The following LTBP1 variants were observed in gnomAD, a reference collection of about 807,000 sequenced individuals.
LTBP1 encodes latent transforming growth factor beta binding protein 1, also known as latent-transforming growth factor beta-binding protein 1.
LTBP1 carries 129 observed loss-of-function variants against 207.6 expected under a neutral mutation model. The observed-to-expected ratio is 0.62, with a 90% CI of 0.54 to 0.72. The LOEUF (loss-of-function observed/expected upper bound fraction) is 0.72. Ranked by LOEUF, LTBP1 falls within the 30% of genes least tolerant of loss-of-function variation. The pLI is 0.00. For synonymous variants in LTBP1, 963 were observed against 833.7 expected (o/e 1.16, Z -2.67); for missense variants, 2,281 against 2,217.2 (o/e 1.03, Z -0.58).
intron 4 of LTBP1, among the ~76,000 whole-genome samples, chr2:33,114,202 C>T (rs2080593980): frequency 6.6e-6 from 1 of 152,122 alleles, no homozygotes; most frequent in Non-Finnish European, 1.5e-5. Flanking sequence ...ATTTGTTGGC[C>T]TTAAAAGAAT....
At chr2:32,994,940 A>G (rs1330584405) in intron 2 of LTBP1, among the ~76,000 whole-genome samples, 5 of 152,282 alleles carry the variant, frequency 3.3e-5, no homozygotes, top group Admixed American at 2.0e-4. Flanking sequence ...CTATAACCCC[A>G]ATAACTCAGG....
rs1189765281 is a variant in LTBP1, at chr2:33,076,162, GA to G, written c.864-34415del. 7.2e-5 allele frequency among the ~76,000 whole-genome samples: 11 copies of G among 152,282 alleles called. No homozygotes were observed. In the Middle Eastern group the frequency reaches 0.01, roughly 141 times the overall value. On this transcript the variant is annotated intron_variant, in intron 3 of 33. Coordinates refer to ENST00000404816, the MANE Select transcript of LTBP1 (RefSeq NM_206943.4). ...TGAGCAGGATCGGGAGCTCACCAGG[GA>G]AAAATGTGACTTACGGAAGAATCTG...
chr2:33,307,010 C>T (rs2094107888), intron 22 of LTBP1, among the ~76,000 whole-genome samples: 1 of 152,168 alleles, frequency 6.6e-6, no homozygotes, highest in South Asian at 2.1e-4. Flanking sequence ...ATTGCTTGAA[C>T]CCGGGAGGCG....
chr2:33,017,466 A>G (rs1201598696), intron 2 of LTBP1, among the ~76,000 whole-genome samples: 1 of 152,170 alleles, frequency 6.6e-6, no homozygotes, highest in African/African-American at 2.4e-5. Flanking sequence ...TGTAGTTTCA[A>G]AGTTTTCCCG....
chr2:33,179,919 C>G (rs1409297740), intron 5 of LTBP1, among the ~76,000 whole-genome samples: 1 of 152,186 alleles, frequency 6.6e-6, no homozygotes, highest in East Asian at 1.9e-4. Flanking sequence ...AGGAATCGGG[C>G]CTGTGTCTGT....
chr2:33,307,292 A>G (rs544182522), intron 22 of LTBP1, among the ~76,000 whole-genome samples: 166 of 152,334 alleles, frequency 1.1e-3, no homozygotes, highest in African/African-American at 3.8e-3. Flanking sequence ...TATTTACTCA[A>G]AAAAGGTAAA....
At chr2:33,273,846 T>G in intron 16 of LTBP1, 65 bp downstream of exon 16, 1 of 1,428,696 alleles carries the variant, frequency 7.0e-7, no homozygotes, top group Non-Finnish European at 9.3e-7. Flanking sequence ...GAACATTTTT[T>G]TCTTAAACCA....
At chr2:33,380,194 C>T (rs969057869) in intron 31 of LTBP1, among the ~76,000 whole-genome samples, 2 of 152,108 alleles carry the variant, frequency 1.3e-5, no homozygotes, top group African/African-American at 2.4e-5. Context: ...CAGGTAACAG[C>T]GTCATCTAGT....
Position 33,252,682 on chromosome 2 carries a change from C to A in LTBP1, c.2005C>A (p.Pro669Thr), listed in dbSNP as rs745896265. 1 of 1,609,136 alleles carries A rather than the reference C, an allele frequency of 6.2e-7. No homozygotes were observed. The highest frequency in any genetic ancestry group is 8.5e-7 in the Non-Finnish European group (1 of 1,176,524). ...GCTTTATCTCTCTGCTTCAGCTGAT[C>A]CCCCTGTGATCTCGGAAGAGAAAGG... ...DPTFSSCVPD[P>T]PVISEEKGPC... The change falls in exon 11 of 34, where the codon CCC becomes ACC. Residue 669 changes from proline to threonine, a missense_variant. Coordinates refer to ENST00000404816, the MANE Select transcript of LTBP1 (RefSeq NM_206943.4).
At chr2:33,181,623 G>A (rs549506599) in intron 5 of LTBP1, among the ~76,000 whole-genome samples, 12 of 152,316 alleles carry the variant, frequency 7.9e-5, no homozygotes, top group Non-Finnish European at 1.3e-4. Flanking sequence ...GCAATATAGT[G>A]AATTATGGTG....
At chr2:33,044,038 GT>G (rs111941697) in intron 3 of LTBP1, among the ~76,000 whole-genome samples, 14,714 of 144,260 alleles carry the variant, frequency 0.1, 892 homozygotes, top group Non-Finnish European at 0.15. Flanking sequence ...ATTTCTGTTC[GT>G]TTTTTTTTTT....
chr2:33,273,443 G>A (rs897672754), intron 15 of LTBP1, among the ~76,000 whole-genome samples: 2 of 151,998 alleles, frequency 1.3e-5, no homozygotes, highest in African/African-American at 4.8e-5. Flanking sequence ...GCTTTACTAG[G>A]AACTATTGAT....
intron 2 of LTBP1, among the ~76,000 whole-genome samples, chr2:32,994,282 T>C (rs1684898492): frequency 6.6e-6 from 1 of 152,126 alleles, no homozygotes; most frequent in Non-Finnish European, 1.5e-5. Context: ...ATGGAATGTG[T>C]CTCATTTCAT....
At chr2:33,046,170 G>A (rs1203685237) in intron 3 of LTBP1, among the ~76,000 whole-genome samples, 1 of 152,184 alleles carries the variant, frequency 6.6e-6, no homozygotes, top group Non-Finnish European at 1.5e-5. Context: ...AGTGATGAGA[G>A]AGGGCATTCT....
rs1333952244 is a variant in LTBP1 at position 33,252,842 on chromosome 2, C to A, written c.2165C>A (p.Thr722Lys). The A allele has an allele frequency of 1.2e-6, 2 of 1,600,140 alleles. No homozygotes were observed. Among genetic ancestry groups the A allele is most frequent in the African/African-American group, 2.7e-5 (2 of 74,730 alleles). The change falls in exon 11 of 34, where the codon ACA becomes AAA. Residue 722 changes from threonine (T) to lysine (K), a missense_variant and splice_region_variant. Thr to Lys is a moderately conservative substitution (Grantham distance 78, BLOSUM62 -1). Around this residue, in one of 3 missense-constraint regions of LTBP1, gnomAD observed 1,671 missense variants for 1,634.8 expected, o/e 1.02. Coordinates refer to ENST00000404816, the MANE Select transcript of LTBP1 (RefSeq NM_206943.4). ...PHCEKCPLPG[T>K]AAFKEICPGG... ...TGTGAGAAATGTCCCCTTCCAGGCA[C>A]AGGTAAGACATGCCCAGCTGTATGC...
At chr2:33,099,911 T>C (rs218214) in intron 3 of LTBP1, among the ~76,000 whole-genome samples, 106,887 of 152,062 alleles carry the variant, frequency 0.7, 38,646 homozygotes, top group East Asian at 1. Context: ...GGCTTAAAGG[T>C]CACAAGGGGG....
At chr2:33,006,158 A>G (rs1200299691) in intron 2 of LTBP1, among the ~76,000 whole-genome samples, 5 of 149,652 alleles carry the variant, frequency 3.3e-5, no homozygotes, top group Admixed American at 2.6e-4. Context: ...CCCTACCTCA[A>G]GTGACCTGCT....
intron 24 of LTBP1, among the ~76,000 whole-genome samples, chr2:33,316,009 T>C (rs542044136): frequency 1.3e-5 from 2 of 152,364 alleles, no homozygotes; most frequent in South Asian, 2.1e-4. Flanking sequence ...ATTCTTCCCC[T>C]AATATCCTTA....
chr2:33,310,537 G>GT (rs1248054048), intron 23 of LTBP1, among the ~76,000 whole-genome samples: 2 of 152,156 alleles, frequency 1.3e-5, no homozygotes, highest in Non-Finnish European at 2.9e-5. Flanking sequence ...TTGTGCATGA[G>GT]TAACTGAGGC....
Sources: allele counts gnomAD v4.1 joint callset (sites outside exome capture counted in the v4.1 genomes callset), GRCh38; gene constraint gnomAD v4.1.1; regional missense constraint gnomAD v4.1.1; transcripts MANE v1.5; gene names NCBI Gene and HGNC (gene_info 2026-07-23, HGNC 2026-07-21).